Variants in CSPG5 observed in about 807,000 individuals in gnomAD.
The protein encoded by CSPG5 is acidic leucine-rich EGF-like domain-containing brain protein.
CSPG5 carries 25 observed loss-of-function variants against 39.8 expected under a neutral mutation model. The ratio of observed to expected loss-of-function variants is 0.63; its 90% CI spans 0.46 to 0.88. The LOEUF (loss-of-function observed/expected upper bound fraction) is 0.88, where lower values mean the gene tolerates loss of function less well. CSPG5 is among the 40% of genes least tolerant of loss of function. The pLI, the probability that CSPG5 is intolerant of heterozygous loss-of-function variation, is 0.00. For synonymous variants in CSPG5, 295 were observed against 303.9 expected, an observed-to-expected ratio of 0.97 and a Z score of 0.31; for missense variants, 627 against 702.2, an observed-to-expected ratio of 0.89 and a Z score of 1.21.
intron 2 of CSPG5, among the ~76,000 whole-genome samples, chr3:47,574,946 A>G (rs2031655169): frequency 6.6e-6 from 1 of 151,918 alleles, no homozygotes; most frequent in Admixed American, 6.5e-5. Context: ...CTCTAAAAAC[A>G]ACAACAACAA....
chr3:47,568,770 C>A (rs1158274064), intron 4 of CSPG5, among the ~76,000 whole-genome samples: 1 of 152,164 alleles, frequency 6.6e-6, no homozygotes, highest in East Asian at 1.9e-4. Flanking sequence ...AATCCTAGCA[C>A]TTTAGGAGCC....
Position 47,577,991 on chromosome 3 carries a change from G to C in CSPG5, c.98-63C>G. ...GCGCGCTGAGGAGCCCTGGAGCCCC[G>C]GCCCGCCCCGGTCAGGCCCGCTCGC... On this transcript the variant is annotated intron_variant, in intron 1 of 4. Coordinates refer to ENST00000264723, the MANE Select transcript of CSPG5 (RefSeq NM_006574.4). This position sits in a 1 kb window ranked among gnomAD's most constrained non-coding sequence, Gnocchi z 4.7. 1 of 1,364,856 alleles carries C rather than the reference G, an allele frequency of 7.3e-7. No individual in the cohort carries two copies. The highest frequency in any genetic ancestry group is 9.4e-7 in the Non-Finnish European group (1 of 1,067,724). The allele number at this position is 1,364,856 out of a possible 1,614,324, so 84.5% of individuals were successfully genotyped here.
intron 2 of CSPG5, among the ~76,000 whole-genome samples, chr3:47,575,929 C>CTTTTT (rs370578310): frequency 1.9e-4 from 19 of 99,646 alleles, no homozygotes; most frequent in African/African-American, 1.9e-4. Context: ...TTCATTTTGC[C>CTTTTT]TTTTTTTTTT....
rs2031556936 is a variant in CSPG5 at position 47,572,335 on chromosome 3, T to C, written c.1382+351A>G. Among the ~76,000 whole-genome samples the C allele has an allele frequency of 6.6e-6, 1 of 152,166 alleles. No homozygotes were observed. Among genetic ancestry groups the C allele is most frequent in the Non-Finnish European group, 1.5e-5 (1 of 68,026 alleles). On this transcript the variant is annotated intron_variant, in intron 3 of 4. Transcript: ENST00000264723. This position sits in a 1 kb window ranked among gnomAD's most constrained non-coding sequence, Gnocchi z 4.5. ...TCACAGTCCAGGGAAGAAGGGTCTA[T>C]CAGGCAGGTGGGCAGACTGAGTAAC...
chr3:47,576,611 A>G (rs1212119348), intron 2 of CSPG5, among the ~76,000 whole-genome samples: 1 of 152,104 alleles, frequency 6.6e-6, no homozygotes, highest in East Asian at 1.9e-4. Flanking sequence ...GGTGCCTGCC[A>G]CCGCGCCCAG....
intron 2 of CSPG5, among the ~76,000 whole-genome samples, chr3:47,574,084 T>C (rs2031620265): frequency 6.6e-6 from 1 of 152,036 alleles, no homozygotes; most frequent in African/African-American, 2.4e-5. Context: ...AGGAATCTGG[T>C]AGGGAGGCCC....
rs896106837 is a variant in CSPG5, at chr3:47,572,378, G to A, written c.1382+308C>T. Among the ~76,000 whole-genome samples the A allele has an allele frequency of 6.6e-6, 1 of 152,224 alleles. No homozygotes were observed. Among genetic ancestry groups the A allele is most frequent in the Non-Finnish European group, 1.5e-5 (1 of 68,036 alleles). ...TGAGTAACTTACCTGGGGACTAGAGGAGGAGTAGCTACATGCTGGCTGCCT... is the reference window on the plus strand; with the variant it reads ...TGAGTAACTTACCTGGGGACTAGAGAAGGAGTAGCTACATGCTGGCTGCCT... On this transcript the variant is annotated intron_variant, in intron 3 of 4. Transcript: ENST00000264723. The surrounding 1 kb of genome is among the most constrained non-coding windows in gnomAD (Gnocchi z 4.5).
At chr3:47,568,099 G>C (rs948201286) in intron 4 of CSPG5, among the ~76,000 whole-genome samples, 1 of 152,226 alleles carries the variant, frequency 6.6e-6, no homozygotes, top group Non-Finnish European at 1.5e-5. Context: ...TGTGAGGTCT[G>C]ACACTCTATG....
In CSPG5 at chr3:47,572,930, T is replaced by A; in HGVS notation, c.1194-56A>T. The A allele has an allele frequency of 6.6e-7, 1 of 1,510,270 alleles. No individual in the cohort carries two copies. Among genetic ancestry groups the A allele is most frequent in the Non-Finnish European group, 9.1e-7 (1 of 1,104,846 alleles). 93.6% of individuals were successfully genotyped at this position (1,510,270 alleles called of 1,614,324 possible). The stretch of plus-strand genomic sequence containing the variant: ...ATGGAGCAGGCAGCCACGGCCACAG[T>A]AAGGGCCTGGGCCCTGACCCCAACA... On this transcript the variant is annotated intron_variant, in intron 2 of 4. Transcript: ENST00000264723. This position sits in a 1 kb window ranked among gnomAD's most constrained non-coding sequence, Gnocchi z 4.5.
chr3:47,562,417 T>G lies in CSPG5; in HGVS notation c.*183A>C. 1.8e-6 allele frequency: 1 copy of G among 545,792 alleles called. No homozygotes were observed. The highest frequency in any genetic ancestry group is 3.0e-6 in the Non-Finnish European group (1 of 328,860). 33.8% of individuals were successfully genotyped at this position (545,792 alleles called of 1,614,324 possible). On this transcript the variant is annotated 3_prime_UTR_variant, in exon 5 of 5. Transcript: ENST00000264723. ...CCCAATGTATGCAATTCTGTTCAGT[T>G]TCTTTGCTTATTTTAAGTATTTTTT... is the stretch of plus-strand genomic sequence containing the variant.
At chr3:47,575,720 T>G (rs2031693841) in intron 2 of CSPG5, among the ~76,000 whole-genome samples, 1 of 152,132 alleles carries the variant, frequency 6.6e-6, no homozygotes, top group Non-Finnish European at 1.5e-5. Flanking sequence ...AGGTCCTCCC[T>G]TTTGAGTTTG....
chr3:47,569,238 G>A lies in CSPG5; in HGVS notation c.1383-11C>T, dbSNP rs2031434869. 6.2e-7 allele frequency: 1 copy of A among 1,612,794 alleles called. No individual in the cohort carries two copies. The highest frequency in any genetic ancestry group is 8.5e-7 in the Non-Finnish European group (1 of 1,178,988). On this transcript the variant is annotated splice_polypyrimidine_tract_variant and intron_variant, in intron 3 of 4. Transcript: ENST00000264723. ...GGGGTCCGGAATTTGCTGGTTAGGA[G>A]AGAAGAGTGAAGGAAACATGTAAGT...
At chr3:47,568,276 A>G (rs1353485765) in intron 4 of CSPG5, among the ~76,000 whole-genome samples, 1 of 152,224 alleles carries the variant, frequency 6.6e-6, no homozygotes, top group Admixed American at 6.5e-5. Flanking sequence ...TGGATGTGGC[A>G]TGATTTGAGA....
chr3:47,562,432 A>T lies in CSPG5; in HGVS notation c.*168T>A. ...TCTGTTCAGTTTCTTTGCTTATTTT[A>T]AGTATTTTTTTGCCTCCTGTACAAA... On this transcript the variant is annotated 3_prime_UTR_variant, in exon 5 of 5. Transcript: ENST00000264723. The T allele has an allele frequency of 1.7e-6, 1 of 574,804 alleles. No homozygotes were observed. Among genetic ancestry groups the T allele is most frequent in the Non-Finnish European group, 2.8e-6 (1 of 357,440 alleles). 35.6% of individuals were successfully genotyped at this position (574,804 alleles called of 1,614,324 possible).
At chr3:47,575,431 A>G (rs143321259) in intron 2 of CSPG5, among the ~76,000 whole-genome samples, 1,880 of 152,326 alleles carry the variant, frequency 0.012, 38 homozygotes, top group Admixed American at 0.04. Flanking sequence ...ATCAGGCTGC[A>G]AGCTCTCCAG....
rs1004926865 is a variant in CSPG5 at position 47,578,550 on chromosome 3, G to A, written c.97+47C>T. 9 of 672,402 alleles carry A rather than the reference G, an allele frequency of 1.3e-5. No homozygotes were observed. Among genetic ancestry groups the A allele is most frequent in the Non-Finnish European group, 1.6e-5 (8 of 502,234 alleles). The allele number at this position is 672,402 out of a possible 1,614,324, so 41.7% of individuals were successfully genotyped here. A position where few individuals can be genotyped will look rare whatever the true frequency, so the allele number is the denominator to read the frequency against. ...CCGCCGCCAGCGGGACCCCTGCCCTGGGTGGGGCACGAGGGCCGCGGGGGT... is the reference window on the plus strand; with the variant it reads ...CCGCCGCCAGCGGGACCCCTGCCCTAGGTGGGGCACGAGGGCCGCGGGGGT... On this transcript the variant is annotated intron_variant, in intron 1 of 4. Coordinates refer to ENST00000264723, the MANE Select transcript of CSPG5 (RefSeq NM_006574.4). The surrounding 1 kb of genome is among the most constrained non-coding windows in gnomAD (Gnocchi z 6.0).
At chr3:47,566,093 C>T (rs2031288124) in intron 4 of CSPG5, among the ~76,000 whole-genome samples, 1 of 152,232 alleles carries the variant, frequency 6.6e-6, no homozygotes, top group Admixed American at 6.5e-5. Flanking sequence ...GGCCCAAAGC[C>T]CCAGACTTTT....
intron 4 of CSPG5, among the ~76,000 whole-genome samples, chr3:47,563,685 A>G (rs1469135501): frequency 1.3e-5 from 2 of 152,010 alleles, no homozygotes. Context: ...TCTCCCCAGA[A>G]CCTGGGATTA....
chr3:47,574,515 C>T (rs144124043), intron 2 of CSPG5, among the ~76,000 whole-genome samples: 186 of 152,270 alleles, frequency 1.2e-3, no homozygotes, highest in African/African-American at 4.3e-3. Context: ...AGTTTATTGC[C>T]ATATTTTCTT....
Sources: gnomAD v4.1 joint callset for allele counts (sites outside exome capture counted in the v4.1 genomes callset) on GRCh38, gnomAD v4.1.1 for gene constraint, Gnocchi (gnomAD v3.1) non-coding constraint, MANE v1.5 for transcripts, NCBI Gene and HGNC (gene_info 2026-07-23, HGNC 2026-07-21) for gene names.